The following MRPL49 variants were observed in gnomAD, a reference collection of about 807,000 sequenced individuals.
MRPL49 encodes the protein mitochondrial ribosomal protein L49.
Under a neutral mutation model 18.4 loss-of-function variants are expected in MRPL49, and 14 were observed. That is an observed-to-expected ratio of 0.76 (90% CI 0.50 to 1.19). The LOEUF (loss-of-function observed/expected upper bound fraction) is 1.19. Among genes scored for constraint, MRPL49 ranks in the 50% most tolerant of loss-of-function variants. The pLI, the probability that MRPL49 is intolerant of heterozygous loss-of-function variation, is 0.00. For synonymous variants in MRPL49, 104 were observed against 86.2 expected (o/e 1.21, Z -1.14); for missense variants, 190 against 217.8 (o/e 0.87, Z 0.80).
In MRPL49 at chr11:65,126,104, G is replaced by A. The variant is rs947654318; in HGVS notation, c.*232G>A. On this transcript the variant is annotated 3_prime_UTR_variant, in exon 4 of 4. Transcript: ENST00000279242. The stretch of plus-strand genomic sequence containing the variant: ...AGGGATCACCAGGCTAATGGGGGGC[G>A]TCAGCAGCTTTCTCTCCCTCCTATC... 1.7e-5 allele frequency: 8 copies of A among 463,344 alleles called. No homozygotes were observed. Among genetic ancestry groups the A allele is most frequent in the African/African-American group, 4.0e-5 (2 of 49,940 alleles). The allele number at this position is 463,344 out of a possible 1,614,324, so 28.7% of individuals were successfully genotyped here.
intron 1 of MRPL49, among the ~76,000 whole-genome samples, chr11:65,124,164 G>A (rs1465265589): frequency 6.6e-6 from 1 of 152,226 alleles, no homozygotes; most frequent in Non-Finnish European, 1.5e-5. Context: ...TGGGATTACA[G>A]GCGTGAGCCA....
In MRPL49 at chr11:65,127,150, G is replaced by A; in HGVS notation, c.*1278G>A. ...TCCTAATCTGTTAATGGTCAGTGGTGTCCCCAAGGATAGTGCTGGCTTCCA... is the reference window on the plus strand; with the variant it reads ...TCCTAATCTGTTAATGGTCAGTGGTATCCCCAAGGATAGTGCTGGCTTCCA... On this transcript the variant is annotated 3_prime_UTR_variant, in exon 4 of 4. Transcript: ENST00000279242. The A allele has an allele frequency of 1.5e-6, 1 of 656,164 alleles. No homozygotes were observed. The highest frequency in any genetic ancestry group is 2.8e-6 in the Non-Finnish European group (1 of 362,762). The allele number at this position is 656,164 out of a possible 1,614,324, so 40.6% of individuals were successfully genotyped here. A position where few individuals can be genotyped will look rare whatever the true frequency, so the allele number is the denominator to read the frequency against.
rs1012791181 is a variant in MRPL49, at chr11:65,126,715, C to CA, written c.*844dup. On this transcript the variant is annotated 3_prime_UTR_variant, in exon 4 of 4. Coordinates refer to ENST00000279242, the MANE Select transcript of MRPL49 (RefSeq NM_004927.4). ...AAAGTACAGTGCTGGCACTGGGGCA[C>CA]AGAGTGCCCACGTTAGCCCCGGGCT... 89 of 426,908 alleles carry CA rather than the reference C, an allele frequency of 2.1e-4. No individual in the cohort carries two copies. The highest frequency in any genetic ancestry group is 1.7e-3 in the African/African-American group (86 of 50,028). 26.4% of individuals were successfully genotyped at this position (426,908 alleles called of 1,614,324 possible).
chr11:65,124,648 C>T lies in MRPL49; in HGVS notation c.225C>T (p.Pro75=). The change falls in exon 2 of 4, where the codon CCC becomes CCT. Residue 75 remains proline (P), a synonymous_variant. Transcript: ENST00000279242. ...CTACCCCTAGTGGCTGGCAGCCTCC[C>T]AGAGGTGAGCTGGGTGGTTAGGGAT... is the stretch of plus-strand genomic sequence containing the variant. ...HYPTPSGWQP[P]RDPPPNLPYF... 1 of 1,613,940 alleles carries T rather than the reference C, an allele frequency of 6.2e-7. No individual in the cohort carries two copies. The highest frequency in any genetic ancestry group is 8.5e-7 in the Non-Finnish European group (1 of 1,179,924).
chr11:65,122,845 G>A (rs1420223743), intron 1 of MRPL49, among the ~76,000 whole-genome samples: 3 of 149,932 alleles, frequency 2.0e-5, no homozygotes, highest in Admixed American at 1.3e-4. Flanking sequence ...TCAGCCTCCC[G>A]AGTAGCTGGG....
At position 65,124,659 on chromosome 11, in the gene MRPL49, T is replaced by G; in HGVS notation, c.229+7T>G. The G allele has an allele frequency of 1.9e-6, 3 of 1,613,612 alleles. No individual in the cohort carries two copies. The highest frequency in any genetic ancestry group is 2.5e-6 in the Non-Finnish European group (3 of 1,179,800). ...GGCTGGCAGCCTCCCAGAGGTGAGC[T>G]GGGTGGTTAGGGATGATTTGAAAGC... On this transcript the variant is annotated splice_region_variant and intron_variant, in intron 2 of 3. Transcript: ENST00000279242.
intron 1 of MRPL49, among the ~76,000 whole-genome samples, chr11:65,123,959 C>A (rs1948077530): frequency 6.6e-6 from 1 of 152,088 alleles, no homozygotes; most frequent in Non-Finnish European, 1.5e-5. Context: ...GCGATCTTAG[C>A]TCACTGCAAC....
chr11:65,126,948 C>T lies in MRPL49; in HGVS notation c.*1076C>T, dbSNP rs1327877631. ...CTGCCATCCCATCCCAACCCCAGCT[C>T]ACTAGCCTTCATATATGCCTTATAC... On this transcript the variant is annotated 3_prime_UTR_variant, in exon 4 of 4. Coordinates refer to ENST00000279242, the MANE Select transcript of MRPL49 (RefSeq NM_004927.4). 3.0e-6 allele frequency: 2 copies of T among 666,842 alleles called. No individual in the cohort carries two copies. Among genetic ancestry groups the T allele is most frequent in the Non-Finnish European group, 5.5e-6 (2 of 364,430 alleles). The allele number at this position is 666,842 out of a possible 1,614,324, so 41.3% of individuals were successfully genotyped here.
Position 65,125,943 on chromosome 11 carries a change from G to A in MRPL49, c.*71G>A, listed in dbSNP as rs1948097009. On this transcript the variant is annotated 3_prime_UTR_variant, in exon 4 of 4. Coordinates refer to ENST00000279242, the MANE Select transcript of MRPL49 (RefSeq NM_004927.4). ...TCTAGGGGGCCTCAGGAGGAGGGAG[G>A]TGGGTGTTGGAGCCCCTGAGACAGG... is the stretch of plus-strand genomic sequence containing the variant. 4.6e-6 allele frequency: 7 copies of A among 1,522,986 alleles called. No individual in the cohort carries two copies. In the Admixed American group the frequency reaches 6.4e-5, roughly 14 times the overall value. The allele number at this position is 1,522,986 out of a possible 1,614,324, so 94.3% of individuals were successfully genotyped here.
chr11:65,127,013 C>T lies in MRPL49; in HGVS notation c.*1141C>T. ...GCCAAAGGCCTGAGACCCCACCCTG[C>T]CCCCAAACTGGCTAAGACAGCTTTC... On this transcript the variant is annotated 3_prime_UTR_variant, in exon 4 of 4. Transcript: ENST00000279242. 8 of 700,672 alleles carry T rather than the reference C, an allele frequency of 1.1e-5. No individual in the cohort carries two copies. The highest frequency in any genetic ancestry group is 1.7e-5 in the African/African-American group (1 of 57,300). The allele number at this position is 700,672 out of a possible 1,614,324, so 43.4% of individuals were successfully genotyped here.
intron 2 of MRPL49, chr11:65,124,986 G>T: frequency 3.3e-6 from 1 of 304,978 alleles, no homozygotes; most frequent in Non-Finnish European, 6.0e-6. Flanking sequence ...AGGCAGTTCT[G>T]GGTTTGAATT....
intron 1 of MRPL49, among the ~76,000 whole-genome samples, chr11:65,123,779 A>G (rs1285148164): frequency 1.3e-5 from 2 of 152,344 alleles, no homozygotes; most frequent in East Asian, 1.9e-4. Context: ...TGAGTATTAC[A>G]TAATTGTTTT....
At chr11:65,124,898 A>G (rs1157044795) in intron 2 of MRPL49, 2 of 422,570 alleles carry the variant, frequency 4.7e-6, no homozygotes, top group South Asian at 1.0e-4. Flanking sequence ...AGTAAACAAC[A>G]GAGAGAAAAC....
rs368037720 is a variant in MRPL49 at position 65,124,572 on chromosome 11, G to T, written c.149G>T (p.Arg50Leu). ...ESVDEYQFVE[R>L]LLPATRIPDP... Reference sequence around the variant, plus strand: ...GTGGATGAATATCAGTTTGTGGAGCGCCTGTTACCGGCTACCAGGATCCCA... The same window carrying T: ...GTGGATGAATATCAGTTTGTGGAGCTCCTGTTACCGGCTACCAGGATCCCA... The change falls in exon 2 of 4, where the codon CGC (arginine) becomes CTC (leucine). Residue 50 changes from arginine (R) to leucine (L), a missense_variant. Arg to Leu is a moderately radical substitution (Grantham distance 102). Transcript: ENST00000279242. 6 of 1,614,160 alleles carry T rather than the reference G, an allele frequency of 3.7e-6. No individual in the cohort carries two copies. Among genetic ancestry groups the T allele is most frequent in the Non-Finnish European group, 1.7e-6 (2 of 1,180,028 alleles).
At chr11:65,122,245 C>T, upstream of MRPL49, 1 of 1,305,930 alleles carries the variant, frequency 7.7e-7, no homozygotes, top group Non-Finnish European at 1.1e-6. Context: ...TAGCTCCGCC[C>T]CTTTACGCTC....
Position 65,125,733 on chromosome 11 carries a change from A to G in MRPL49, c.362A>G (p.Gln121Arg). 1 of 1,613,928 alleles carries G rather than the reference A, an allele frequency of 6.2e-7. No homozygotes were observed. The highest frequency in any genetic ancestry group is 1.1e-5 in the South Asian group (1 of 91,056). Residue 121 changes from glutamine (Q) to arginine (R), a missense_variant, in exon 4 of 4, where the codon CAG becomes CGG. Physicochemically the swap from Gln to Arg is conservative, Grantham distance 43. Coordinates refer to ENST00000279242, the MANE Select transcript of MRPL49 (RefSeq NM_004927.4). ...TTTGTCATCTTTCCCCAGGCCCTGC[A>G]GAAAGACGTGGAAGATTTTCTGAGC... ...RKVEGDIWAL[Q>R]KDVEDFLSPL...
chr11:65,125,267 CTACT>C, intron 2 of MRPL49: 1 of 533,974 alleles, frequency 1.9e-6, no homozygotes. Flanking sequence ...TCTTGAGCAC[CTACT>C]TAGTGCCAGG....
chr11:65,122,594 G>T, intron 1 of MRPL49, 170 bp downstream of exon 1: 1 of 626,936 alleles, frequency 1.6e-6, no homozygotes, highest in Non-Finnish European at 2.8e-6. Context: ...GAAAATGGTA[G>T]ACTGGGGTGC....
At position 65,122,375 on chromosome 11, in the gene MRPL49, T is replaced by C. The variant is rs745784009; in HGVS notation, c.29T>C (p.Leu10Pro). ...GCAGCTACCATGTTCCGGGCTACGCTGCGGGGATGGAGAACCGGTGTCCAG... is the reference window on the plus strand; with the variant it reads ...GCAGCTACCATGTTCCGGGCTACGCCGCGGGGATGGAGAACCGGTGTCCAG... MAATMFRAT[L>P]RGWRTGVQRG... is the part of the protein sequence containing the mutation. The change falls in exon 1 of 4, where the codon CTG becomes CCG. Residue 10 changes from leucine (L) to proline (P), a missense_variant. Physicochemically the swap from Leu to Pro is moderately conservative, Grantham distance 98. Transcript: ENST00000279242. 15 of 1,613,108 alleles carry C rather than the reference T, an allele frequency of 9.3e-6. No individual in the cohort carries two copies. Among genetic ancestry groups the C allele is most frequent in the East Asian group, 2.2e-5 (1 of 44,878 alleles).
Sources: allele counts gnomAD v4.1 joint callset (sites outside exome capture counted in the v4.1 genomes callset), GRCh38; gene constraint gnomAD v4.1.1; transcripts MANE v1.5; gene names NCBI Gene and HGNC (gene_info 2026-07-23, HGNC 2026-07-21).